ABITRAM: variants seen among roughly 807,000 people sequenced by gnomAD.
The protein encoded by ABITRAM is protein Abitram.
In ABITRAM, 19 loss-of-function variants were observed where a neutral mutation model predicts 22.9. The observed-to-expected ratio is 0.83, with a 90% CI of 0.58 to 1.22. The LOEUF is 1.22. ABITRAM is among the 50% of genes most tolerant of loss of function. The pLI is 0.00. For missense variants in ABITRAM, 215 were observed against 220.2 expected (o/e 0.98, Z 0.15); for synonymous variants, 70 against 73.9 (o/e 0.95, Z 0.27).
chr9:108,939,315 T>C (rs1281242088), intron 4 of ABITRAM, 43 bp downstream of exon 4: 1 of 1,592,616 alleles, frequency 6.3e-7, no homozygotes, highest in South Asian at 1.2e-5. Flanking sequence ...CAAAGGGAGG[T>C]AATTTTTTTT....
chr9:108,941,709 C>T (rs10979618), downstream of ABITRAM, among the ~76,000 whole-genome samples: 2 of 152,076 alleles, frequency 1.3e-5, no homozygotes, highest in African/African-American at 4.8e-5. Flanking sequence ...CTTATATTAT[C>T]TACTGCCATT....
chr9:108,948,062 G>A (rs1019905575), intron 3 of ABITRAM: 22 of 1,129,548 alleles, frequency 1.9e-5, no homozygotes, highest in African/African-American at 1.8e-4. Context: ...ACTGCTCTCT[G>A]TAATACACAG....
Position 108,939,552 on chromosome 9 carries a change from T to C in ABITRAM, c.412T>C (p.Ser138Pro). The C allele has an allele frequency of 6.2e-7, 1 of 1,613,660 alleles. No individual in the cohort carries two copies. The highest frequency in any genetic ancestry group is 8.5e-7 in the Non-Finnish European group (1 of 1,179,894). Residue 138 changes from serine (S) to proline (P), a missense_variant, in exon 6 of 6, where the codon TCT becomes CCT. Coordinates refer to ENST00000322940, the MANE Select transcript of ABITRAM (RefSeq NM_017832.4). ...HKPSILQEKPSTEGYIAVVLP... is the reference protein window; with the variant it reads ...HKPSILQEKPPTEGYIAVVLP... The stretch of plus-strand genomic sequence containing the variant: ...CTAAATGTTCTTTCCTTTCCAGCCA[T>C]CTACTGAAGGCTACATTGCAGTTGT...
intron 3 of ABITRAM, among the ~76,000 whole-genome samples, chr9:108,946,330 C>T (rs564176429): frequency 1.3e-5 from 2 of 151,678 alleles, no homozygotes; most frequent in East Asian, 3.9e-4. Context: ...TTCCCATGGC[C>T]TACAGAGACA....
At position 108,940,754 on chromosome 9, in the gene ABITRAM, C is replaced by T. The variant is rs1830245485; in HGVS notation, c.*1068C>T. 1 of 152,004 alleles carries T rather than the reference C, an allele frequency of 6.6e-6. No individual in the cohort carries two copies. Among genetic ancestry groups the T allele is most frequent in the African/African-American group, 2.4e-5 (1 of 41,398 alleles). 9.4% of individuals were successfully genotyped at this position (152,004 alleles called of 1,614,324 possible). A position where few individuals can be genotyped will look rare whatever the true frequency, so the allele number is the denominator to read the frequency against. On this transcript the variant is annotated 3_prime_UTR_variant, in exon 6 of 6. Coordinates refer to ENST00000322940, the MANE Select transcript of ABITRAM (RefSeq NM_017832.4). Reference sequence around the variant, plus strand: ...TTACTGAGAATATGTCATTCAAAGGCATAGGGGCCTTTGAATGGAACAAAT... The same window carrying T: ...TTACTGAGAATATGTCATTCAAAGGTATAGGGGCCTTTGAATGGAACAAAT...
chr9:108,943,855 A>C, downstream of ABITRAM: 3 of 1,607,452 alleles, frequency 1.9e-6, no homozygotes, highest in Non-Finnish European at 2.6e-6. Flanking sequence ...GCCCGCAACA[A>C]AACTCCATCT....
rs117239473 is a variant in ABITRAM, at chr9:108,936,337, A to G, written c.161A>G (p.His54Arg). 8.6e-4 allele frequency: 1,387 copies of G among 1,609,122 alleles called. 2 individuals are homozygous for G. The highest frequency in any genetic ancestry group is 1.7e-3 in the Middle Eastern group (10 of 6,038). ...TGTGTCATCACATTGGCAGAATCTC[A>G]TCCAGTTCTTCAAAGTGGAAAAACA... ...RICVITLAES[H>R]PVLQSGKTIK... The change falls in exon 3 of 6, where the codon CAT (histidine) becomes CGT (arginine). Residue 54 changes from histidine (H) to arginine (R), a missense_variant. Physicochemically the swap from His to Arg is conservative, Grantham distance 29 (BLOSUM62 0). Transcript: ENST00000322940.
chr9:108,947,569 G>A (rs1830444334), intron 3 of ABITRAM, among the ~76,000 whole-genome samples: 1 of 152,164 alleles, frequency 6.6e-6, no homozygotes, highest in Non-Finnish European at 1.5e-5. Flanking sequence ...AAACATAAAA[G>A]GAATTTTGCA....
At chr9:108,939,008 G>C (rs534827798) in intron 3 of ABITRAM, among the ~76,000 whole-genome samples, 188 bp from the exon 4 acceptor site, 1 of 152,124 alleles carries the variant, frequency 6.6e-6, no homozygotes, top group Non-Finnish European at 1.5e-5. Flanking sequence ...ACCTAGGATG[G>C]CACCTGGCAC....
intron 3 of ABITRAM, among the ~76,000 whole-genome samples, chr9:108,938,310 A>G (rs183797824): frequency 4.1e-4 from 62 of 152,344 alleles, no homozygotes; most frequent in African/African-American, 1.3e-3. Context: ...ATGCCATCTA[A>G]AAATGTTTTG....
At chr9:108,938,703 A>G (rs75063646) in intron 3 of ABITRAM, among the ~76,000 whole-genome samples, 6,189 of 115,666 alleles carry the variant, frequency 0.054, 263 homozygotes, top group Non-Finnish European at 0.081. Context: ...GGGGGGGGGG[A>G]AAGAACAATA....
rs919810700 is a variant in ABITRAM, at chr9:108,939,896, C to A, written c.*210C>A. 9 of 521,426 alleles carry A rather than the reference C, an allele frequency of 1.7e-5. No individual in the cohort carries two copies. The highest frequency in any genetic ancestry group is 1.5e-4 in the African/African-American group (8 of 52,088). The allele number at this position is 521,426 out of a possible 1,614,324, so 32.3% of individuals were successfully genotyped here. ...TACAGCCTGCCAGATCTGGCCTGCC[C>A]ATGTACTCACACTGTTCTCTTGCAT... On this transcript the variant is annotated 3_prime_UTR_variant, in exon 6 of 6. Coordinates refer to ENST00000322940, the MANE Select transcript of ABITRAM (RefSeq NM_017832.4).
At chr9:108,949,940 C>G (rs1830510395) in intron 3 of ABITRAM, among the ~76,000 whole-genome samples, 1 of 150,620 alleles carries the variant, frequency 6.6e-6, no homozygotes, top group Non-Finnish European at 1.5e-5. Context: ...ATGAGAATTG[C>G]TTGAACTCAG....
downstream of ABITRAM, among the ~76,000 whole-genome samples, chr9:108,943,476 C>T (rs1442894561): frequency 6.6e-6 from 1 of 152,114 alleles, no homozygotes; most frequent in East Asian, 1.9e-4. Context: ...TGAAGGGCAG[C>T]TGTTCAGTGC....
chr9:108,939,009 C>T lies in ABITRAM; in HGVS notation c.262-187C>T, dbSNP rs370276253. On this transcript the variant is annotated intron_variant, in intron 3 of 5. Transcript: ENST00000322940. The stretch of plus-strand genomic sequence containing the variant: ...GCTTTTTTCCCTAGACCTAGGATGG[C>T]ACCTGGCACACAGTAGGTACTTATA... 2.0e-5 allele frequency among the ~76,000 whole-genome samples: 3 copies of T among 152,262 alleles called. 1 individual carries two copies. Among genetic ancestry groups the T allele is most frequent in the African/African-American group, 7.2e-5 (3 of 41,534 alleles).
At chr9:108,944,846 A>G (rs574256148), downstream of ABITRAM, among the ~76,000 whole-genome samples, 17 of 152,210 alleles carry the variant, frequency 1.1e-4, no homozygotes, top group African/African-American at 1.7e-4. Flanking sequence ...TTTACCCTCT[A>G]TTCAAAAGGC....
In ABITRAM at chr9:108,935,656, G is replaced by T; in HGVS notation, c.98G>T (p.Cys33Phe). 3.1e-6 allele frequency: 5 copies of T among 1,613,394 alleles called. No individual in the cohort carries two copies. The highest frequency in any genetic ancestry group is 4.2e-6 in the Non-Finnish European group (5 of 1,179,490). ...CTTCTAGATGTCAAAGGAAAATTTT[G>T]TGAGGACCACTGTATACTACAGCAC... ...WYKPDVKGKFCEDHCILQHSN... is the reference protein window; with the variant it reads ...WYKPDVKGKFFEDHCILQHSN... Residue 33 changes from cysteine to phenylalanine, a missense_variant, in exon 2 of 6, where the codon TGT (cysteine) becomes TTT (phenylalanine). Transcript: ENST00000322940.
chr9:108,942,850 A>G, downstream of ABITRAM: 1 of 1,613,492 alleles, frequency 6.2e-7, no homozygotes, highest in Non-Finnish European at 8.5e-7. Context: ...AAGAGTTAAG[A>G]CAATTAGTAT....
At chr9:108,938,695 G>T (rs550967708) in intron 3 of ABITRAM, among the ~76,000 whole-genome samples, 19 of 146,020 alleles carry the variant, frequency 1.3e-4, no homozygotes, top group South Asian at 2.4e-4. Flanking sequence ...TACAAAGGGG[G>T]GGGGGGGAAA....
Sources: allele counts gnomAD v4.1 joint callset (sites outside exome capture counted in the v4.1 genomes callset), GRCh38; gene constraint gnomAD v4.1.1; transcripts MANE v1.5; gene names NCBI Gene and HGNC (gene_info 2026-07-23, HGNC 2026-07-21).